The following STIMATE variants were observed in gnomAD, a reference collection of about 807,000 sequenced individuals.
The protein encoded by STIMATE is store-operated calcium entry regulator STIMATE.
A neutral mutation model predicts 36.7 loss-of-function variants in STIMATE; 15 were observed. That is an observed-to-expected ratio of 0.41 (90% confidence interval 0.27 to 0.63). The LOEUF is 0.63. STIMATE is among the 20% of genes least tolerant of loss of function. The pLI is 0.32. For missense variants in STIMATE, 305 were observed against 397.3 expected, an observed-to-expected ratio of 0.77 and a Z score of 1.98; for synonymous variants, 163 against 162.3, an observed-to-expected ratio of 1.00 and a Z score of -0.03.
In STIMATE at chr3:52,840,305, C is replaced by T. The variant is rs968605084; in HGVS notation, c.*189G>A. On this transcript the variant is annotated 3_prime_UTR_variant, in exon 8 of 8. Transcript: ENST00000355083. ...GACCTCCAGCCGCCAGTGGCCCCCT[C>T]GGGCGCTGGCTCCTCTTCCCTCTTT... 19 of 606,906 alleles carry T rather than the reference C, an allele frequency of 3.1e-5. No homozygotes were observed. The highest frequency in any genetic ancestry group is 5.6e-5 in the African/African-American group (3 of 53,784). The allele number at this position is 606,906 out of a possible 1,614,324, so 37.6% of individuals were successfully genotyped here. A position where few individuals can be genotyped will look rare whatever the true frequency, so the allele number is the denominator to read the frequency against.
At chr3:52,868,554 G>A (rs1701350152) in intron 1 of STIMATE, among the ~76,000 whole-genome samples, 1 of 152,210 alleles carries the variant, frequency 6.6e-6, no homozygotes, top group South Asian at 2.1e-4. Context: ...GTGGGGAGAA[G>A]AGCAGCTGCC....
intron 1 of STIMATE, among the ~76,000 whole-genome samples, chr3:52,881,834 C>T (rs1442466492): frequency 6.6e-6 from 1 of 152,200 alleles, no homozygotes; most frequent in Non-Finnish European, 1.5e-5. Context: ...TCAGTCTTTG[C>T]TCACTTTGCA....
intron 1 of STIMATE, among the ~76,000 whole-genome samples, chr3:52,859,650 T>TG (rs1401116719): frequency 7.4e-6 from 1 of 134,558 alleles, no homozygotes; most frequent in Non-Finnish European, 1.5e-5. Context: ...TACTCTACCC[T>TG]GGGGAACAAA....
intron 1 of STIMATE, among the ~76,000 whole-genome samples, chr3:52,883,221 T>A (rs1311107448): frequency 6.6e-6 from 1 of 152,248 alleles, no homozygotes; most frequent in East Asian, 1.9e-4. Context: ...GGCTATAGAA[T>A]CCTAGATTGA....
In STIMATE at chr3:52,851,893, G is replaced by A. The variant is rs138850379; in HGVS notation, c.305+710C>T. ...TGGCTGGGCTCCATGACTCCTGAGC[G>A]GTGTGAACTTACAGTATATATAACC... On this transcript the variant is annotated intron_variant, in intron 3 of 7. Transcript: ENST00000355083. 4.2e-3 allele frequency among the ~76,000 whole-genome samples: 641 copies of A among 152,294 alleles called. 3 individuals are homozygous for A. The highest frequency in any genetic ancestry group is 5.1e-3 in the Non-Finnish European group (348 of 68,028).
At chr3:52,880,601 T>C (rs1701586602) in intron 1 of STIMATE, among the ~76,000 whole-genome samples, 1 of 152,084 alleles carries the variant, frequency 6.6e-6, no homozygotes, top group Non-Finnish European at 1.5e-5. Context: ...CCCGTAGCAT[T>C]GGAGACAGAG....
At chr3:52,895,786 G>C (rs1178772569) in intron 1 of STIMATE, 7 of 946,694 alleles carry the variant, frequency 7.4e-6, no homozygotes, top group Non-Finnish European at 1.0e-5. Context: ...AGGTTAGGGA[G>C]CAAAAGAAAA....
chr3:52,873,946 C>T (rs1312737967), intron 1 of STIMATE, among the ~76,000 whole-genome samples: 2 of 152,162 alleles, frequency 1.3e-5, no homozygotes, highest in Non-Finnish European at 2.9e-5. Context: ...TCATAGCGGG[C>T]AACGATATGT....
intron 1 of STIMATE, among the ~76,000 whole-genome samples, chr3:52,884,684 G>A (rs1701664206): frequency 6.6e-6 from 1 of 152,092 alleles, no homozygotes; most frequent in Admixed American, 6.5e-5. Flanking sequence ...CTTTTATCTG[G>A]CTTCTTTTGC....
At chr3:52,876,511 C>T (rs950297122) in intron 1 of STIMATE, among the ~76,000 whole-genome samples, 8 of 152,198 alleles carry the variant, frequency 5.3e-5, no homozygotes, top group Non-Finnish European at 1.0e-4. Flanking sequence ...CACTTATACA[C>T]GGATTTTCTC....
chr3:52,855,582 T>C (rs1268641985), intron 1 of STIMATE, 138 bp from the exon 2 acceptor site: 4 of 1,253,824 alleles, frequency 3.2e-6, no homozygotes, highest in Non-Finnish European at 4.5e-6. Flanking sequence ...TGTAACAACA[T>C]ACAGTAAGCC....
intron 5 of STIMATE, among the ~76,000 whole-genome samples, 172 bp downstream of exon 5, chr3:52,844,657 G>A (rs757722404): frequency 3.3e-5 from 5 of 152,232 alleles, no homozygotes; most frequent in Middle Eastern, 3.2e-3. Context: ...GTGGATGGAT[G>A]CTAAGAATTG....
At chr3:52,892,678 A>T (rs1701801415) in intron 1 of STIMATE, among the ~76,000 whole-genome samples, 1 of 152,212 alleles carries the variant, frequency 6.6e-6, no homozygotes, top group Non-Finnish European at 1.5e-5. Flanking sequence ...TATTCACATG[A>T]TCTCAAAGTA....
intron 1 of STIMATE, among the ~76,000 whole-genome samples, chr3:52,884,531 C>T (rs1701661778): frequency 6.6e-6 from 1 of 152,208 alleles, no homozygotes; most frequent in Admixed American, 6.5e-5. Context: ...CAGGCGTGAC[C>T]TACCGCGCCC....
intron 1 of STIMATE, among the ~76,000 whole-genome samples, chr3:52,884,061 C>T (rs1350082238): frequency 2.0e-5 from 3 of 152,160 alleles, no homozygotes; most frequent in Non-Finnish European, 4.4e-5. Flanking sequence ...AAGCAGTGAA[C>T]TCTGTAGAGC....
At chr3:52,881,900 G>T (rs1701612046) in intron 1 of STIMATE, among the ~76,000 whole-genome samples, 1 of 152,192 alleles carries the variant, frequency 6.6e-6, no homozygotes, top group Admixed American at 6.5e-5. Context: ...GCAGGCTATG[G>T]ACTCTTAGAG....
chr3:52,849,559 C>T (rs921261222), intron 4 of STIMATE, among the ~76,000 whole-genome samples: 3 of 152,180 alleles, frequency 2.0e-5, no homozygotes, highest in African/African-American at 7.2e-5. Flanking sequence ...TCTAGTGTCT[C>T]CTGCCTCCTG....
chr3:52,845,389 A>G (rs1700875605), intron 4 of STIMATE, among the ~76,000 whole-genome samples: 1 of 152,184 alleles, frequency 6.6e-6, no homozygotes, highest in South Asian at 2.1e-4. Context: ...AGCAGGACCC[A>G]GTCGCTTTGT....
At chr3:52,868,151 T>A (rs1001844880) in intron 1 of STIMATE, among the ~76,000 whole-genome samples, 13 of 152,290 alleles carry the variant, frequency 8.5e-5, no homozygotes, top group African/African-American at 3.1e-4. Flanking sequence ...CAATGCCCTG[T>A]AGTAGGGCTA....
Sources: gnomAD v4.1 joint callset for allele counts (sites outside exome capture counted in the v4.1 genomes callset) on GRCh38, gnomAD v4.1.1 for gene constraint, MANE v1.5 for transcripts, NCBI Gene and HGNC (gene_info 2026-07-23, HGNC 2026-07-21) for gene names.